Variants in EPHA6 observed in about 807,000 individuals in gnomAD.
The protein encoded by EPHA6 is ephrin type-A receptor 6.
Under a neutral mutation model 112.0 loss-of-function variants are expected in EPHA6, and 50 were observed. That is an observed-to-expected ratio of 0.45 (90% CI 0.36 to 0.56). The LOEUF is 0.56. Ranked by LOEUF, EPHA6 falls within the 20% of genes least tolerant of loss-of-function variation. The pLI, the probability that EPHA6 is intolerant of heterozygous loss-of-function variation, is 0.00. For synonymous variants in EPHA6, 529 were observed against 490.7 expected, an observed-to-expected ratio of 1.08 and a Z score of -1.03; for missense variants, 1,280 against 1,417.4, an observed-to-expected ratio of 0.90 and a Z score of 1.56.
At chr3:97,038,009 G>A (rs2045171159) in intron 3 of EPHA6, among the ~76,000 whole-genome samples, 1 of 151,864 alleles carries the variant, frequency 6.6e-6, no homozygotes, top group Non-Finnish European at 1.5e-5. Context: ...TACCAAACAT[G>A]TTTAAGGATT....
intron 3 of EPHA6, among the ~76,000 whole-genome samples, chr3:97,030,477 C>T (rs1212759934): frequency 1.3e-5 from 2 of 152,062 alleles, no homozygotes. Flanking sequence ...GGTTATGTCT[C>T]CCCTACTTCT....
At chr3:97,231,522 T>A (rs573381068) in intron 4 of EPHA6, among the ~76,000 whole-genome samples, 1 of 152,156 alleles carries the variant, frequency 6.6e-6, no homozygotes, top group Non-Finnish European at 1.5e-5. Context: ...TGAGGGGGCA[T>A]ATAAAACATG....
At chr3:97,018,425 A>G (rs1393281572) in intron 3 of EPHA6, among the ~76,000 whole-genome samples, 1 of 152,072 alleles carries the variant, frequency 6.6e-6, no homozygotes, top group East Asian at 2.0e-4. Flanking sequence ...GGCTGCACTG[A>G]TATTTATTGG....
intron 3 of EPHA6, among the ~76,000 whole-genome samples, chr3:96,988,994 C>T (rs2043121727): frequency 6.6e-6 from 1 of 151,792 alleles, no homozygotes; most frequent in Non-Finnish European, 1.5e-5. Context: ...GACTCATAAT[C>T]AAAACACAAA....
chr3:97,561,404 C>G (rs946185287), intron 11 of EPHA6, among the ~76,000 whole-genome samples: 3 of 151,912 alleles, frequency 2.0e-5, no homozygotes, highest in Admixed American at 6.6e-5. Context: ...AGTGAAGCAG[C>G]CTTATTACTG....
chr3:97,036,578 TGAG>T, intron 3 of EPHA6, among the ~76,000 whole-genome samples: 1 of 152,022 alleles, frequency 6.6e-6, no homozygotes, highest in Non-Finnish European at 1.5e-5. Flanking sequence ...TTCTTCTATT[TGAG>T]TCCCTTTGTA....
intron 15 of EPHA6, among the ~76,000 whole-genome samples, chr3:97,720,738 G>T (rs978973229): frequency 2.6e-5 from 4 of 152,070 alleles, no homozygotes; most frequent in African/African-American, 4.8e-5. Context: ...TTTACTTTTC[G>T]TTTCTTCCTT....
chr3:96,873,478 T>G (rs2036760490), intron 2 of EPHA6, among the ~76,000 whole-genome samples: 1 of 152,140 alleles, frequency 6.6e-6, no homozygotes. Flanking sequence ...TGTAATGGGT[T>G]GCAACATTTG....
intron 3 of EPHA6, among the ~76,000 whole-genome samples, chr3:97,172,307 G>T (rs557034931): frequency 6.6e-6 from 1 of 151,966 alleles, no homozygotes. Context: ...GTTTTGCACA[G>T]TTTCTGACAT....
intron 2 of EPHA6, among the ~76,000 whole-genome samples, chr3:96,911,860 A>C (rs2039233106): frequency 6.6e-6 from 1 of 152,044 alleles, no homozygotes; most frequent in Non-Finnish European, 1.5e-5. Context: ...TATGTATTTA[A>C]GTACTTTTCA....
chr3:97,368,497 A>G (rs970161710), intron 5 of EPHA6, among the ~76,000 whole-genome samples: 2 of 152,208 alleles, frequency 1.3e-5, no homozygotes, highest in African/African-American at 2.4e-5. Context: ...TTATTAAAAT[A>G]CAAAATAGGT....
intron 13 of EPHA6, among the ~76,000 whole-genome samples, chr3:97,622,794 T>C (rs990226897): frequency 1.2e-4 from 18 of 151,854 alleles, no homozygotes; most frequent in Non-Finnish European, 1.2e-4. Context: ...GTTGTTATAA[T>C]GGCTATCCTG....
intron 10 of EPHA6, among the ~76,000 whole-genome samples, chr3:97,511,060 A>T (rs2092355614): frequency 6.6e-6 from 1 of 152,174 alleles, no homozygotes; most frequent in Non-Finnish European, 1.5e-5. Flanking sequence ...GGAGCATCAG[A>T]CTGCTGTCCT....
intron 11 of EPHA6, among the ~76,000 whole-genome samples, chr3:97,587,640 C>A (rs950085428): frequency 1.3e-5 from 2 of 152,142 alleles, no homozygotes; most frequent in African/African-American, 4.8e-5. Flanking sequence ...GGAATCTGTA[C>A]TTTCAATAGT....
chr3:96,961,579 T>G (rs2041949769), intron 2 of EPHA6, among the ~76,000 whole-genome samples: 1 of 152,214 alleles, frequency 6.6e-6, no homozygotes, highest in Non-Finnish European at 1.5e-5. Flanking sequence ...TAATTTCCTT[T>G]GCTATAGAAG....
intron 12 of EPHA6, among the ~76,000 whole-genome samples, chr3:97,605,209 A>G (rs1330392164): frequency 2.0e-5 from 3 of 151,446 alleles, no homozygotes; most frequent in African/African-American, 7.3e-5. Context: ...ATTTTTGTCA[A>G]GTAGAGATAA....
intron 5 of EPHA6, among the ~76,000 whole-genome samples, chr3:97,369,979 A>T (rs2084956432): frequency 6.6e-6 from 1 of 152,188 alleles, no homozygotes; most frequent in Admixed American, 6.6e-5. Context: ...GTCCCTACAG[A>T]ATAAGAAAAA....
chr3:97,556,636 G>A (rs1238412736), intron 11 of EPHA6, among the ~76,000 whole-genome samples: 1 of 151,970 alleles, frequency 6.6e-6, no homozygotes, highest in East Asian at 1.9e-4. Context: ...TGGGGATTAT[G>A]GGAACTACAA....
At chr3:97,096,801 A>G (rs1170721931) in intron 3 of EPHA6, among the ~76,000 whole-genome samples, 8 of 151,922 alleles carry the variant, frequency 5.3e-5, no homozygotes, top group Admixed American at 5.3e-4. Flanking sequence ...TTAATACAAT[A>G]TAAGGGCTAT....
Sources: gnomAD v4.1 joint callset for allele counts (sites outside exome capture counted in the v4.1 genomes callset) on GRCh38, gnomAD v4.1.1 for gene constraint, MANE v1.5 for transcripts, NCBI Gene and HGNC (gene_info 2026-07-23, HGNC 2026-07-21) for gene names.